TENM3: variants seen among roughly 807,000 people sequenced by gnomAD.
TENM3 encodes teneurin-3.
A neutral mutation model predicts 255.1 loss-of-function variants in TENM3; 63 were observed. The observed-to-expected ratio is 0.25, with a 90% CI of 0.20 to 0.30. The LOEUF (loss-of-function observed/expected upper bound fraction) is 0.30. Among genes scored for constraint, TENM3 ranks in the 10% least tolerant of loss-of-function variants. The pLI is 1.00. For missense variants in TENM3, 2,929 were observed against 3,461.1 expected (o/e 0.85, Z 3.86); for synonymous variants, 1,306 against 1,322.3 (o/e 0.99, Z 0.27).
chr4:181,820,757 C>A, the TENM3 span, among the ~76,000 whole-genome samples: 1 of 152,160 alleles, frequency 6.6e-6, no homozygotes, highest in African/African-American at 2.4e-5. Flanking sequence ...GGGTTGGGAC[C>A]TTTACCCTCC....
intron 5 of TENM3, among the ~76,000 whole-genome samples, chr4:182,646,286 A>G (rs1752731453): frequency 6.6e-6 from 1 of 152,230 alleles, no homozygotes; most frequent in South Asian, 2.1e-4. Flanking sequence ...CTTCCACAAA[A>G]TGATTTAAGG....
At chr4:182,071,576 G>A in the TENM3 span, among the ~76,000 whole-genome samples, 1 of 151,668 alleles carries the variant, frequency 6.6e-6, no homozygotes, top group African/African-American at 2.4e-5. Flanking sequence ...CTCCCAAGCA[G>A]CTGGGATTAC....
rs149592767 is a variant in TENM3 at position 182,695,974 on chromosome 4, G to A, written c.2221+7623G>A. 1.7e-4 allele frequency among the ~76,000 whole-genome samples: 26 copies of A among 152,256 alleles called. 1 individual carries two copies. The East Asian group carries it at 4.4e-3, about 26-fold the overall frequency. The stretch of plus-strand genomic sequence containing the variant: ...AGTTCAACAGTGTGTGAAATCACAT[G>A]TGTTACTCATCCCAGTGTATCACTG... On this transcript the variant is annotated intron_variant, in intron 12 of 27. Coordinates refer to ENST00000511685, the MANE Select transcript of TENM3 (RefSeq NM_001080477.4).
At chr4:182,615,747 G>GAGATGACAT (rs1313245135) in intron 4 of TENM3, among the ~76,000 whole-genome samples, 69 of 152,066 alleles carry the variant, frequency 4.5e-4, no homozygotes, top group African/African-American at 1.7e-3. Context: ...AAAAAAGAGT[G>GAGATGACAT]AGATGACATA....
intron 3 of TENM3, among the ~76,000 whole-genome samples, chr4:182,481,439 A>G (rs1235889693): frequency 2.0e-5 from 3 of 152,186 alleles, no homozygotes; most frequent in Admixed American, 2.0e-4. Flanking sequence ...ATTATTCAGT[A>G]GGGTAAATCC....
chr4:182,220,752 G>A (rs1387605397), intron 1 of TENM3, among the ~76,000 whole-genome samples: 7 of 152,186 alleles, frequency 4.6e-5, no homozygotes, highest in African/African-American at 1.7e-4. Context: ...CATGTACAGT[G>A]TACATTTATG....
At chr4:181,549,451 T>A in the TENM3 span, among the ~76,000 whole-genome samples, 1 of 152,358 alleles carries the variant, frequency 6.6e-6, no homozygotes, top group African/African-American at 2.4e-5. Flanking sequence ...CTTACCAGTA[T>A]GGACCAGAGC....
At chr4:182,730,454 A>G in intron 15 of TENM3, 135 bp downstream of exon 15, 1 of 933,062 alleles carries the variant, frequency 1.1e-6, no homozygotes, top group Non-Finnish European at 1.6e-6. Flanking sequence ...AACTTGTGAC[A>G]GTACATATGG....
chr4:182,658,683 T>C (rs1753964745), intron 6 of TENM3, among the ~76,000 whole-genome samples: 2 of 152,230 alleles, frequency 1.3e-5, no homozygotes, highest in South Asian at 4.1e-4. Context: ...TGTTATCATC[T>C]CTTGTGGTTC....
chr4:181,657,932 G>A, the TENM3 span, among the ~76,000 whole-genome samples: 1,945 of 152,228 alleles, frequency 0.013, 49 homozygotes, highest in African/African-American at 0.044. Flanking sequence ...CGGGAGCTAA[G>A]CGTTGGGTAC....
At chr4:182,072,306 T>C in the TENM3 span, among the ~76,000 whole-genome samples, 14 of 152,328 alleles carry the variant, frequency 9.2e-5, 1 homozygote, top group African/African-American at 3.4e-4. Flanking sequence ...TCCACTGCAC[T>C]CATAATCTGG....
chr4:182,028,435 G>A, the TENM3 span, among the ~76,000 whole-genome samples: 2 of 151,826 alleles, frequency 1.3e-5, no homozygotes, highest in Non-Finnish European at 2.9e-5. Flanking sequence ...ATTATCTTTT[G>A]TATTGCTTTC....
chr4:182,359,911 G>A (rs934862970), intron 3 of TENM3, among the ~76,000 whole-genome samples: 2 of 150,062 alleles, frequency 1.3e-5, no homozygotes, highest in Admixed American at 6.6e-5. Context: ...AGAGATTCTG[G>A]TATGTTGTGT....
intron 3 of TENM3, among the ~76,000 whole-genome samples, chr4:182,356,594 T>C (rs1455578737): frequency 1.3e-5 from 2 of 151,982 alleles, no homozygotes; most frequent in African/African-American, 2.4e-5. Context: ...GTAGAGGCGA[T>C]TGAGGGAAAA....
chr4:182,062,655 C>T, the TENM3 span, among the ~76,000 whole-genome samples: 3 of 152,168 alleles, frequency 2.0e-5, no homozygotes, highest in Admixed American at 1.3e-4. Context: ...TCATAGAGAA[C>T]AGTAAATTGC....
the TENM3 span, among the ~76,000 whole-genome samples, chr4:181,833,692 G>A: frequency 3.3e-5 from 5 of 151,014 alleles, no homozygotes. Context: ...GTTCCTCTAT[G>A]CCTATCTACT....
intron 3 of TENM3, among the ~76,000 whole-genome samples, chr4:182,570,900 G>A (rs996116345): frequency 1.3e-5 from 2 of 152,028 alleles, no homozygotes; most frequent in South Asian, 2.1e-4. Flanking sequence ...TCTGTAGGTC[G>A]ATGCGTGTGT....
At chr4:181,911,277 T>A in the TENM3 span, among the ~76,000 whole-genome samples, 1 of 152,176 alleles carries the variant, frequency 6.6e-6, no homozygotes, top group East Asian at 1.9e-4. Context: ...ATCTGGAAAA[T>A]TGGGCGTCTT....
intron 1 of TENM3, among the ~76,000 whole-genome samples, chr4:182,174,012 TTG>T (rs1221183491): frequency 7.9e-5 from 12 of 152,182 alleles, no homozygotes; most frequent in Admixed American, 5.2e-4. Flanking sequence ...AGTCACTTTC[TTG>T]TAAGCCATAA....
Sources: gnomAD v4.1 joint callset for allele counts (sites outside exome capture counted in the v4.1 genomes callset) on GRCh38, gnomAD v4.1.1 for gene constraint, MANE v1.5 for transcripts, NCBI Gene and HGNC (gene_info 2026-07-23, HGNC 2026-07-21) for gene names.